The following FMN1 variants were observed in gnomAD, a reference collection of about 807,000 sequenced individuals.
The protein encoded by FMN1 is formin 1.
FMN1 carries 110 observed loss-of-function variants against 132.4 expected under a neutral mutation model. The ratio of observed to expected loss-of-function variants is 0.83; its 90% CI spans 0.71 to 0.97. FMN1 has a LOEUF of 0.97. Ranked by LOEUF, FMN1 falls within the 50% of genes least tolerant of loss-of-function variation. The probability of loss-of-function intolerance (pLI) is 0.00; values close to 1 mark genes in which losing one functional copy is unlikely to be tolerated. For missense variants in FMN1, 1,792 were observed against 1,705.3 expected, an observed-to-expected ratio of 1.05 and a Z score of -0.90; for synonymous variants, 722 against 651.7, an observed-to-expected ratio of 1.11 and a Z score of -1.64.
intron 7 of FMN1, among the ~76,000 whole-genome samples, chr15:32,973,290 G>A (rs1209726789): frequency 3.3e-5 from 5 of 152,006 alleles, no homozygotes; most frequent in African/African-American, 1.2e-4. Flanking sequence ...GATATGCCCT[G>A]GATTCCAGTT....
intron 4 of FMN1, chr15:33,105,731 G>A (rs1172669324): frequency 6.6e-6 from 1 of 150,456 alleles, no homozygotes; most frequent in African/African-American, 2.4e-5. Context: ...ACTTTTTTTT[G>A]GTCTCACTAC....
At chr15:32,829,344 T>C (rs1284718371) in intron 17 of FMN1, among the ~76,000 whole-genome samples, 1 of 152,238 alleles carries the variant, frequency 6.6e-6, no homozygotes, top group African/African-American at 2.4e-5. Context: ...TTTAAATGCA[T>C]GCATCCAGGA....
intron 3 of FMN1, among the ~76,000 whole-genome samples, chr15:33,167,163 TG>T (rs1566963469): frequency 6.6e-6 from 1 of 152,166 alleles, no homozygotes; most frequent in Non-Finnish European, 1.5e-5. Flanking sequence ...CACCTTGAAT[TG>T]TAATAATCCC....
intron 15 of FMN1, among the ~76,000 whole-genome samples, chr15:32,892,864 T>G (rs2060065325): frequency 6.6e-6 from 1 of 152,212 alleles, no homozygotes; most frequent in Admixed American, 6.5e-5. Flanking sequence ...ATTTTTAAAT[T>G]GCCATGTTAT....
At chr15:32,909,882 A>G (rs963879645) in intron 11 of FMN1, among the ~76,000 whole-genome samples, 1 of 106,804 alleles carries the variant, frequency 9.4e-6, no homozygotes, top group Non-Finnish European at 1.7e-5. Flanking sequence ...TCATTTGACT[A>G]AAAAAAAAAA....
intron 17 of FMN1, among the ~76,000 whole-genome samples, chr15:32,829,741 G>A (rs531142327): frequency 6.6e-6 from 1 of 152,302 alleles, no homozygotes; most frequent in African/African-American, 2.4e-5. Flanking sequence ...TCTTTTACCT[G>A]TTTAAAGGGT....
At chr15:33,091,561 G>A (rs1252561702) in intron 4 of FMN1, among the ~76,000 whole-genome samples, 1 of 152,096 alleles carries the variant, frequency 6.6e-6, no homozygotes, top group Non-Finnish European at 1.5e-5. Context: ...GACAGAAAAG[G>A]ACCATAAGTA....
intron 4 of FMN1, among the ~76,000 whole-genome samples, chr15:33,107,814 T>C (rs2039544268): frequency 2.0e-5 from 3 of 152,144 alleles, no homozygotes; most frequent in Admixed American, 2.0e-4. Flanking sequence ...AGATCTGGTT[T>C]TCTTCTGTAT....
chr15:32,896,440 A>C (rs941983760), intron 15 of FMN1, among the ~76,000 whole-genome samples: 17 of 152,090 alleles, frequency 1.1e-4, no homozygotes, highest in Middle Eastern at 6.8e-3. Context: ...AACAAAAAAA[A>C]CCCCCTATAA....
rs2060251560 is a variant in FMN1, at chr15:32,899,809, CTT to C, written c.3654+168_3654+169del. 6.7e-5 allele frequency: 46 copies of C among 685,674 alleles called. No homozygotes were observed. In the South Asian group the frequency reaches 8.5e-4, roughly 13 times the overall value. 42.5% of individuals were successfully genotyped at this position (685,674 alleles called of 1,614,324 possible). On this transcript the variant is annotated intron_variant, in intron 14 of 20. Coordinates refer to ENST00000616417, the MANE Select transcript of FMN1 (RefSeq NM_001277313.2). ...TGAAAAAAAAAAACCAAACAAAACT[CTT>C]TATTCGAAAGTGAAAAGAAAGCAAA...
chr15:32,881,281 A>G (rs62001321), intron 16 of FMN1, among the ~76,000 whole-genome samples: 43,440 of 151,798 alleles, frequency 0.29, 6,763 homozygotes, highest in African/African-American at 0.42. Flanking sequence ...CTTGTGGTAC[A>G]TGTAAGTCTT....
intron 4 of FMN1, among the ~76,000 whole-genome samples, chr15:33,094,900 T>C (rs1371673772): frequency 6.6e-6 from 1 of 152,140 alleles, no homozygotes; most frequent in Non-Finnish European, 1.5e-5. Context: ...TAAGTCCTGA[T>C]GCAGAAAAGA....
At chr15:33,007,343 A>G (rs1000701908) in intron 7 of FMN1, among the ~76,000 whole-genome samples, 6 of 151,796 alleles carry the variant, frequency 4.0e-5, no homozygotes, top group Non-Finnish European at 5.9e-5. Flanking sequence ...AGCCATCAGT[A>G]AACAAGTCTC....
At chr15:32,788,951 A>C (rs753341418) in intron 19 of FMN1, among the ~76,000 whole-genome samples, 4 of 152,212 alleles carry the variant, frequency 2.6e-5, no homozygotes, top group Non-Finnish European at 5.9e-5. Context: ...AAGATTTTAG[A>C]TTCTTGGGCA....
chr15:32,957,626 A>G (rs902623690), intron 9 of FMN1, among the ~76,000 whole-genome samples: 3 of 152,198 alleles, frequency 2.0e-5, no homozygotes, highest in Non-Finnish European at 4.4e-5. Context: ...TTAATGCTTT[A>G]AGACCTTAAA....
chr15:33,067,330 T>A, intron 5 of FMN1: 1 of 1,613,966 alleles, frequency 6.2e-7, no homozygotes, highest in Non-Finnish European at 8.5e-7. Flanking sequence ...CCCTGAAACC[T>A]CCTGGGTTTT....
intron 7 of FMN1, among the ~76,000 whole-genome samples, chr15:32,983,690 A>G (rs1202518913): frequency 6.6e-6 from 1 of 152,222 alleles, no homozygotes; most frequent in Non-Finnish European, 1.5e-5. Context: ...ACATTATCAC[A>G]GAAAGTAGAG....
chr15:33,055,074 T>C (rs1045705843), intron 6 of FMN1, among the ~76,000 whole-genome samples: 1 of 152,138 alleles, frequency 6.6e-6, no homozygotes, highest in Non-Finnish European at 1.5e-5. Flanking sequence ...GATTGGACAA[T>C]GCCTCATTAT....
At chr15:33,087,977 T>G (rs892666765) in intron 5 of FMN1, among the ~76,000 whole-genome samples, 2 of 152,154 alleles carry the variant, frequency 1.3e-5, no homozygotes, top group African/African-American at 4.8e-5. Context: ...CCAAACATTC[T>G]ATGTTCTCAC....
Sources: allele counts gnomAD v4.1 joint callset (sites outside exome capture counted in the v4.1 genomes callset), GRCh38; gene constraint gnomAD v4.1.1; transcripts MANE v1.5; gene names NCBI Gene and HGNC (gene_info 2026-07-23, HGNC 2026-07-21).